Variants in MGMT observed in about 807,000 individuals in gnomAD.
The protein encoded by MGMT is methylated-DNA--protein-cysteine methyltransferase.
MGMT carries 14 observed loss-of-function variants against 15.9 expected under a neutral mutation model. That is an observed-to-expected ratio of 0.88 (90% CI 0.58 to 1.37). The LOEUF (loss-of-function observed/expected upper bound fraction) is 1.37, where lower values mean the gene tolerates loss of function less well. MGMT is among the 40% of genes most tolerant of loss of function. MGMT has a pLI of 0.00. For missense variants in MGMT, 282 were observed against 268.1 expected, an observed-to-expected ratio of 1.05 and a Z score of -0.36; for synonymous variants, 130 against 118.2, an observed-to-expected ratio of 1.10 and a Z score of -0.65.
intron 2 of MGMT, among the ~76,000 whole-genome samples, chr10:129,631,549 G>T (rs1252574350): frequency 6.6e-6 from 1 of 152,230 alleles, no homozygotes; most frequent in Non-Finnish European, 1.5e-5. Context: ...TTTGGACGGT[G>T]TGGTGGCTCA....
At position 129,659,358 on chromosome 10, in the gene MGMT, GGAAA is replaced by G. The variant is rs1847569506; in HGVS notation, c.126-48536_126-48533del. ...GGTGGCAGAGCGAGACTCCCTGTGT[GGAAA>G]AAAAAAAAAAAGATACTCAGATGTA... On this transcript the variant is annotated intron_variant, in intron 2 of 4. Coordinates refer to ENST00000651593, the MANE Select transcript of MGMT (RefSeq NM_002412.5). This position sits in a 1 kb window ranked among gnomAD's most constrained non-coding sequence, Gnocchi z 4.1. Among the ~76,000 whole-genome samples the G allele has an allele frequency of 6.8e-6, 1 of 147,042 alleles. No homozygotes were observed. The highest frequency in any genetic ancestry group is 2.6e-5 in the African/African-American group (1 of 37,800).
chr10:129,541,511 T>C (rs1288862274), intron 2 of MGMT, among the ~76,000 whole-genome samples: 1 of 152,178 alleles, frequency 6.6e-6, no homozygotes, highest in African/African-American at 2.4e-5. Context: ...TGTTTAGTTT[T>C]CCATAATGTT....
chr10:129,743,858 G>A (rs745384269), intron 3 of MGMT, among the ~76,000 whole-genome samples: 11 of 152,246 alleles, frequency 7.2e-5, no homozygotes, highest in Non-Finnish European at 1.6e-4. Flanking sequence ...CATCCTAATG[G>A]CGGAAGCAGC....
At chr10:129,503,769 G>T (rs1845598145) in intron 1 of MGMT, among the ~76,000 whole-genome samples, 1 of 152,206 alleles carries the variant, frequency 6.6e-6, no homozygotes, top group African/African-American at 2.4e-5. Flanking sequence ...TTGGAATTCT[G>T]TCGGATCCAG....
chr10:129,474,793 G>C (rs537245607), intron 1 of MGMT, among the ~76,000 whole-genome samples: 1 of 152,190 alleles, frequency 6.6e-6, no homozygotes, highest in Non-Finnish European at 1.5e-5. Context: ...ACACCATGAC[G>C]TGTTTCGTGG....
chr10:129,552,643 A>G (rs772216755), intron 2 of MGMT, among the ~76,000 whole-genome samples: 1 of 152,194 alleles, frequency 6.6e-6, no homozygotes, highest in African/African-American at 2.4e-5. Flanking sequence ...AGCGGGAGAC[A>G]TGTTTGGCCA....
chr10:129,546,422 A>AGG (rs1323727825), intron 2 of MGMT, among the ~76,000 whole-genome samples: 8 of 152,174 alleles, frequency 5.3e-5, no homozygotes, highest in Non-Finnish European at 8.8e-5. Flanking sequence ...AGGGGCATGG[A>AGG]GGGGTAGCAG....
chr10:129,472,788 C>T lies in MGMT; in HGVS notation c.-13+5492C>T, dbSNP rs950036848. On this transcript the variant is annotated intron_variant, in intron 1 of 4. Coordinates refer to ENST00000651593, the MANE Select transcript of MGMT (RefSeq NM_002412.5). Reference sequence around the variant, plus strand: ...TTTTGGTGGAGGCAGGACTGGAGGTCGGGATCACTTGGCCACATTTGCCAC... The same window carrying T: ...TTTTGGTGGAGGCAGGACTGGAGGTTGGGATCACTTGGCCACATTTGCCAC... 3.9e-5 allele frequency among the ~76,000 whole-genome samples: 6 copies of T among 152,110 alleles called. No homozygotes were observed. In the East Asian group the frequency reaches 5.8e-4, roughly 15 times the overall value.
intron 2 of MGMT, among the ~76,000 whole-genome samples, chr10:129,640,039 A>G (rs1190013390): frequency 2.0e-5 from 3 of 151,816 alleles, no homozygotes; most frequent in African/African-American, 7.3e-5. Context: ...TGAAAAAAAA[A>G]GTGCATAGCA....
intron 1 of MGMT, among the ~76,000 whole-genome samples, chr10:129,477,835 A>G (rs990592945): frequency 1.3e-5 from 2 of 152,222 alleles, no homozygotes; most frequent in Non-Finnish European, 2.9e-5. Flanking sequence ...CACAAAACTC[A>G]TCAAGGGATT....
intron 2 of MGMT, among the ~76,000 whole-genome samples, chr10:129,561,520 A>G (rs1189146327): frequency 1.3e-5 from 2 of 152,204 alleles, no homozygotes; most frequent in African/African-American, 4.8e-5. Context: ...CAATGCGCCA[A>G]ATGTTACACC....
At chr10:129,665,271 T>TCCTCTCC (rs1847646331) in intron 2 of MGMT, among the ~76,000 whole-genome samples, 1 of 123,416 alleles carries the variant, frequency 8.1e-6, no homozygotes, top group Admixed American at 8.6e-5. Flanking sequence ...CACCCACCCA[T>TCCTCTCC]CCTCTCCCCT....
At chr10:129,736,348 T>TTTA (rs1369326506) in intron 3 of MGMT, among the ~76,000 whole-genome samples, 1 of 151,844 alleles carries the variant, frequency 6.6e-6, no homozygotes, top group Admixed American at 6.6e-5. Context: ...TCTTTGTTGG[T>TTTA]TTAAAGTGTG....
chr10:129,487,501 A>G (rs186453741), intron 1 of MGMT, among the ~76,000 whole-genome samples: 100 of 152,228 alleles, frequency 6.6e-4, no homozygotes, highest in African/African-American at 2.3e-3. Context: ...GACTTTTGGT[A>G]GAAAGGAAAT....
At chr10:129,500,766 GT>G (rs1414549867) in intron 1 of MGMT, among the ~76,000 whole-genome samples, 1 of 152,010 alleles carries the variant, frequency 6.6e-6, no homozygotes, top group East Asian at 1.9e-4. Flanking sequence ...GCCCAGACTG[GT>G]CTTAAACTTC....
intron 1 of MGMT, among the ~76,000 whole-genome samples, chr10:129,479,128 T>C (rs750897480): frequency 3.9e-5 from 6 of 152,238 alleles, no homozygotes; most frequent in Non-Finnish European, 8.8e-5. Flanking sequence ...AGTGTATGAT[T>C]AGTTTTATAT....
chr10:129,591,246 A>G (rs1292246322), intron 2 of MGMT, among the ~76,000 whole-genome samples: 1 of 152,212 alleles, frequency 6.6e-6, no homozygotes, highest in Non-Finnish European at 1.5e-5. Context: ...AAAAGCAAGT[A>G]TGCTGCCTTG....
chr10:129,483,709 G>A (rs1845382035), intron 1 of MGMT, among the ~76,000 whole-genome samples: 1 of 151,888 alleles, frequency 6.6e-6, no homozygotes, highest in South Asian at 2.1e-4. Flanking sequence ...CTTGTTTTCA[G>A]CTGTTTGATT....
chr10:129,552,945 T>C (rs893046090), intron 2 of MGMT, among the ~76,000 whole-genome samples: 3 of 152,266 alleles, frequency 2.0e-5, no homozygotes, highest in African/African-American at 7.2e-5. Context: ...CTATGTCAGC[T>C]GCCTTGCTTT....
Sources: gnomAD v4.1 joint callset for allele counts (sites outside exome capture counted in the v4.1 genomes callset) on GRCh38, gnomAD v4.1.1 for gene constraint, Gnocchi (gnomAD v3.1) non-coding constraint, MANE v1.5 for transcripts, NCBI Gene and HGNC (gene_info 2026-07-23, HGNC 2026-07-21) for gene names.